PPM1L: variants seen among roughly 807,000 people sequenced by gnomAD.
The protein encoded by PPM1L is protein phosphatase, Mg2+/Mn2+ dependent 1L.
PPM1L carries 13 observed loss-of-function variants against 31.4 expected under a neutral mutation model. The ratio of observed to expected loss-of-function variants is 0.41; its 90% CI spans 0.27 to 0.66. The LOEUF is 0.66. Among genes scored for constraint, PPM1L ranks in the 30% least tolerant of loss-of-function variants. The pLI is 0.29. For missense variants in PPM1L, 326 were observed against 453.7 expected (o/e 0.72, Z 2.56); for synonymous variants, 184 against 175.4 (o/e 1.05, Z -0.39).
intron 1 of PPM1L, among the ~76,000 whole-genome samples, chr3:160,855,834 A>T (rs767648443): frequency 2.6e-5 from 4 of 152,160 alleles, no homozygotes; most frequent in Admixed American, 6.5e-5. Context: ...CAGAACTCCC[A>T]TTCGACCCAG....
chr3:160,944,809 AACAT>A (rs1303175227), intron 1 of PPM1L, among the ~76,000 whole-genome samples: 282 of 7,298 alleles, frequency 0.039, 44 homozygotes, highest in African/African-American at 0.084. Context: ...TAACATATAT[AACAT>A]ATATATGTTA....
intron 1 of PPM1L, among the ~76,000 whole-genome samples, chr3:160,945,121 C>CATGTTATATATAACATATATGT (rs1559897810): frequency 7.7e-3 from 121 of 15,772 alleles, no homozygotes; most frequent in African/African-American, 0.011. Context: ...TGTTATCTAT[C>CATGTTATATATAACATATATGT]TATCTATCTA....
intron 2 of PPM1L, among the ~76,000 whole-genome samples, chr3:161,007,975 G>A (rs1413109663): frequency 6.6e-6 from 1 of 152,086 alleles, no homozygotes; most frequent in South Asian, 2.1e-4. Flanking sequence ...CAACATGAAG[G>A]CCTCAGAAGC....
intron 1 of PPM1L, among the ~76,000 whole-genome samples, chr3:160,867,612 T>C (rs756396586): frequency 1.3e-5 from 2 of 152,214 alleles, no homozygotes; most frequent in African/African-American, 2.4e-5. Flanking sequence ...TAATCAATAT[T>C]GCAAACAGAC....
At chr3:160,888,509 A>G (rs1713015195) in intron 1 of PPM1L, among the ~76,000 whole-genome samples, 1 of 152,246 alleles carries the variant, frequency 6.6e-6, no homozygotes, top group South Asian at 2.1e-4. Flanking sequence ...CACCCAATAC[A>G]GGAGTACCCA....
chr3:160,801,052 A>G (rs1351633288), intron 1 of PPM1L, among the ~76,000 whole-genome samples: 2 of 151,958 alleles, frequency 1.3e-5, no homozygotes, highest in Non-Finnish European at 2.9e-5. Context: ...TACAGAATTT[A>G]TTTGAGAAAA....
intron 1 of PPM1L, among the ~76,000 whole-genome samples, chr3:160,892,767 G>T (rs1576695114): frequency 6.6e-6 from 1 of 151,976 alleles, no homozygotes; most frequent in East Asian, 1.9e-4. Flanking sequence ...TTATTTCTCA[G>T]ATTCTTAGCA....
chr3:160,923,734 G>A (rs1037723319), intron 1 of PPM1L, among the ~76,000 whole-genome samples: 10 of 152,188 alleles, frequency 6.6e-5, no homozygotes, highest in African/African-American at 1.7e-4. Flanking sequence ...GACAGTGTAG[G>A]ATGCTACTGC....
chr3:161,051,752 C>T (rs933916085), intron 2 of PPM1L, among the ~76,000 whole-genome samples: 7 of 152,090 alleles, frequency 4.6e-5, no homozygotes, highest in Non-Finnish European at 8.8e-5. Context: ...TTTGTCCCTC[C>T]AAGTGAGTTT....
At chr3:161,016,429 A>C (rs989595921) in intron 2 of PPM1L, among the ~76,000 whole-genome samples, 1 of 152,166 alleles carries the variant, frequency 6.6e-6, no homozygotes, top group African/African-American at 2.4e-5. Flanking sequence ...CAGATTTCTA[A>C]ATTGGGTAAG....
intron 1 of PPM1L, among the ~76,000 whole-genome samples, chr3:160,851,242 G>T (rs921611205): frequency 5.3e-5 from 8 of 152,128 alleles, no homozygotes; most frequent in African/African-American, 1.7e-4. Context: ...AAAATTAAAG[G>T]TAGTGTCTGC....
chr3:161,022,657 CTTTTTTTTTTT>C (rs71147399), intron 2 of PPM1L, among the ~76,000 whole-genome samples: 7 of 93,716 alleles, frequency 7.5e-5, no homozygotes, highest in Non-Finnish European at 1.3e-4. Flanking sequence ...ATTTCTCCTT[CTTTTTTTTTTT>C]TTTTTTTTTT....
chr3:161,060,496 A>T (rs1719536583), intron 2 of PPM1L, among the ~76,000 whole-genome samples: 1 of 152,186 alleles, frequency 6.6e-6, no homozygotes, highest in Admixed American at 6.5e-5. Context: ...CAATGCTGTG[A>T]GAACAAACTG....
At chr3:160,940,389 C>T (rs1169183534) in intron 1 of PPM1L, among the ~76,000 whole-genome samples, 1 of 152,184 alleles carries the variant, frequency 6.6e-6, no homozygotes, top group East Asian at 1.9e-4. Context: ...GTCTCTAGAC[C>T]ATGTCAGAGA....
intron 2 of PPM1L, among the ~76,000 whole-genome samples, chr3:161,008,117 A>C (rs58189630): frequency 6.6e-6 from 1 of 151,972 alleles, no homozygotes; most frequent in Non-Finnish European, 1.5e-5. Context: ...CTTTTCCCCA[A>C]AGCTAACCAT....
At chr3:161,068,771 A>C in intron 3 of PPM1L, 40 bp from the exon 4 acceptor site, 2 of 1,519,952 alleles carry the variant, frequency 1.3e-6, no homozygotes, top group Non-Finnish European at 1.8e-6. Context: ...TAAGTGAGAT[A>C]TCAGCTGGTC....
At chr3:161,043,955 A>C (rs1718983347) in intron 2 of PPM1L, among the ~76,000 whole-genome samples, 1 of 152,200 alleles carries the variant, frequency 6.6e-6, no homozygotes, top group Admixed American at 6.5e-5. Flanking sequence ...CTCAGCCATG[A>C]ATTAAAAAAA....
chr3:160,835,033 A>G (rs922657609), intron 1 of PPM1L, among the ~76,000 whole-genome samples: 13 of 86,310 alleles, frequency 1.5e-4, no homozygotes, highest in African/African-American at 7.7e-4. Flanking sequence ...TACTATTACT[A>G]CTACTACTTC....
chr3:160,789,648 T>G (rs996533089), intron 1 of PPM1L, among the ~76,000 whole-genome samples: 1 of 152,088 alleles, frequency 6.6e-6, no homozygotes, highest in African/African-American at 2.4e-5. Flanking sequence ...ATTAAGAATT[T>G]TTCAAAATTT....
Sources: allele counts gnomAD v4.1 joint callset (sites outside exome capture counted in the v4.1 genomes callset), GRCh38; gene constraint gnomAD v4.1.1; transcripts MANE v1.5; gene names NCBI Gene and HGNC (gene_info 2026-07-23, HGNC 2026-07-21).